LINGO2: variants seen among roughly 807,000 people sequenced by gnomAD.
LINGO2 encodes the protein leucine rich repeat and Ig domain containing 2, also known as leucine-rich repeat and immunoglobulin-like domain-containing nogo receptor-interacting protein 2.
A neutral mutation model predicts 30.6 loss-of-function variants in LINGO2; 14 were observed. The ratio of observed to expected loss-of-function variants is 0.46; its 90% CI spans 0.30 to 0.72. The LOEUF is 0.72. Ranked by LOEUF, LINGO2 falls within the 30% of genes least tolerant of loss-of-function variation. The probability of loss-of-function intolerance (pLI) is 0.07; values close to 1 mark genes in which losing one functional copy is unlikely to be tolerated. For missense variants in LINGO2, 729 were observed against 751.7 expected (o/e 0.97, Z 0.35); for synonymous variants, 317 against 288.5 (o/e 1.10, Z -1.00).
intron 4 of LINGO2, among the ~76,000 whole-genome samples, chr9:28,212,622 C>T (rs1820631377): frequency 6.6e-6 from 1 of 151,282 alleles, no homozygotes; most frequent in African/African-American, 2.4e-5. Flanking sequence ...GTAAAGTATG[C>T]ATCCATATAT....
intron 4 of LINGO2, among the ~76,000 whole-genome samples, chr9:28,196,626 T>A (rs1042792697): frequency 9.2e-5 from 14 of 151,966 alleles, no homozygotes; most frequent in African/African-American, 3.1e-4. Context: ...AATTGTGCCA[T>A]TTTTTAGATA....
the LINGO2 span, among the ~76,000 whole-genome samples, chr9:29,084,974 C>T: frequency 6.7e-6 from 1 of 149,476 alleles, no homozygotes; most frequent in Non-Finnish European, 1.5e-5. Context: ...AGGTCAACTA[C>T]ACATGTTGTA....
chr9:29,003,464 C>T, the LINGO2 span, among the ~76,000 whole-genome samples: 2 of 151,748 alleles, frequency 1.3e-5, no homozygotes, highest in Admixed American at 6.6e-5. Flanking sequence ...AACAGACAGA[C>T]CACTAGAGGA....
At chr9:28,016,204 G>C (rs1822828032) in intron 4 of LINGO2, among the ~76,000 whole-genome samples, 1 of 151,902 alleles carries the variant, frequency 6.6e-6, no homozygotes, top group Non-Finnish European at 1.5e-5. Flanking sequence ...TTCCAAATGG[G>C]ACCTAAAATT....
chr9:28,910,319 A>G, the LINGO2 span, among the ~76,000 whole-genome samples: 2 of 151,920 alleles, frequency 1.3e-5, no homozygotes, highest in African/African-American at 4.8e-5. Flanking sequence ...TTTTTTTTTG[A>G]GTTATCAATA....
the LINGO2 span, among the ~76,000 whole-genome samples, chr9:29,002,790 T>C: frequency 2.6e-5 from 4 of 151,938 alleles, no homozygotes; most frequent in Non-Finnish European, 4.4e-5. Flanking sequence ...CCCTCTTACT[T>C]GTAATTATTG....
At position 28,002,702 on chromosome 9, in the gene LINGO2, T is replaced by A. The variant is rs188160976; in HGVS notation, c.-36+9653A>T. On this transcript the variant is annotated intron_variant, in intron 5 of 5. Transcript: ENST00000379992. Reference sequence around the variant, plus strand: ...AAGTCCTTGAATAACGCCATTTCAGTCAACATCATTTCATCATAACATTGA... The same window carrying A: ...AAGTCCTTGAATAACGCCATTTCAGACAACATCATTTCATCATAACATTGA... 1.3e-4 allele frequency among the ~76,000 whole-genome samples: 20 copies of A among 152,220 alleles called. No homozygotes were observed. In the East Asian group the frequency reaches 3.9e-3, roughly 29 times the overall value.
the LINGO2 span, among the ~76,000 whole-genome samples, chr9:29,157,538 A>T: frequency 6.6e-6 from 1 of 152,220 alleles, no homozygotes; most frequent in African/African-American, 2.4e-5. Flanking sequence ...TGCAATTTCC[A>T]TTAGGCCTAG....
the LINGO2 span, among the ~76,000 whole-genome samples, chr9:28,759,254 T>C: frequency 6.6e-6 from 1 of 152,086 alleles, no homozygotes; most frequent in Non-Finnish European, 1.5e-5. Context: ...TAAAAGATGA[T>C]GGACACTGTA....
chr9:28,080,886 G>A (rs183254129), intron 4 of LINGO2: 2 of 152,306 alleles, frequency 1.3e-5, no homozygotes, highest in South Asian at 2.1e-4. Context: ...GCCATGAAGA[G>A]AACAGAAAAG....
At chr9:29,212,601 T>TA in the LINGO2 span, among the ~76,000 whole-genome samples, 55 of 149,360 alleles carry the variant, frequency 3.7e-4, no homozygotes, top group African/African-American at 7.8e-4. Context: ...AATAAAAATT[T>TA]AAAAAAAAAA....
In LINGO2 at chr9:28,281,399, C is replaced by G. The variant is rs114475045; in HGVS notation, c.-87+13809G>C. On this transcript the variant is annotated intron_variant, in intron 4 of 5. Coordinates refer to ENST00000379992, the Ensembl canonical transcript of LINGO2. ...TTTAACCATTAAATGCCCCAGTTAA[C>G]TATTAAGACCCACTTCCATTGAAAT... Among the ~76,000 whole-genome samples, 569 of 151,974 alleles carry G rather than the reference C, an allele frequency of 3.7e-3. 7 individuals carry two copies. The highest frequency in any genetic ancestry group is 0.013 in the African/African-American group (532 of 41,484).
chr9:28,632,689 T>TA (rs1227302747), intron 1 of LINGO2, among the ~76,000 whole-genome samples: 2 of 123,216 alleles, frequency 1.6e-5, no homozygotes, highest in Admixed American at 2.2e-4. Flanking sequence ...TAAAAATATA[T>TA]TTATATAGAT....
chr9:28,839,450 G>T, the LINGO2 span, among the ~76,000 whole-genome samples: 1 of 152,202 alleles, frequency 6.6e-6, no homozygotes, highest in South Asian at 2.1e-4. Context: ...ACTCCTATCT[G>T]CAAGCAGATT....
intron 4 of LINGO2, among the ~76,000 whole-genome samples, chr9:28,107,972 A>G (rs1212507959): frequency 6.6e-6 from 1 of 152,188 alleles, no homozygotes; most frequent in African/African-American, 2.4e-5. Context: ...AGTCTAAAGT[A>G]GAATCCACAG....
chr9:28,842,754 T>C, the LINGO2 span, among the ~76,000 whole-genome samples: 1 of 151,976 alleles, frequency 6.6e-6, no homozygotes. Context: ...GTGGTTCCCA[T>C]AGTTGGTAGT....
the LINGO2 span, among the ~76,000 whole-genome samples, chr9:29,141,183 T>G: frequency 1.3e-5 from 2 of 151,938 alleles, no homozygotes; most frequent in Non-Finnish European, 2.9e-5. Flanking sequence ...CTTTAAACAC[T>G]GGTATCAAAT....
At chr9:28,887,118 T>C in the LINGO2 span, among the ~76,000 whole-genome samples, 1 of 152,128 alleles carries the variant, frequency 6.6e-6, no homozygotes. Context: ...ATTATAATAA[T>C]GATGAACAAA....
chr9:28,397,696 C>T (rs1364829673), intron 2 of LINGO2, among the ~76,000 whole-genome samples: 7 of 151,626 alleles, frequency 4.6e-5, no homozygotes, highest in South Asian at 2.1e-4. Context: ...TACAGGTGCC[C>T]GCCACCACGC....
Sources: allele counts gnomAD v4.1 joint callset (sites outside exome capture counted in the v4.1 genomes callset), GRCh38; gene constraint gnomAD v4.1.1; transcripts MANE v1.5; gene names NCBI Gene and HGNC (gene_info 2026-07-23, HGNC 2026-07-21).